RNF216: variants seen among roughly 807,000 people sequenced by gnomAD.
The protein encoded by RNF216 is E3 ubiquitin-protein ligase RNF216.
Under a neutral mutation model 110.8 loss-of-function variants are expected in RNF216, and 72 were observed. The ratio of observed to expected loss-of-function variants is 0.65; its 90% CI spans 0.54 to 0.79. The LOEUF (loss-of-function observed/expected upper bound fraction) is 0.79. Ranked by LOEUF, RNF216 falls within the 30% of genes least tolerant of loss-of-function variation. RNF216 has a pLI of 0.00. For missense variants in RNF216, 1,342 were observed against 1,141.2 expected (o/e 1.18, Z -2.54); for synonymous variants, 495 against 407.5 (o/e 1.21, Z -2.59).
At chr7:5,633,523 C>T (rs763055905) in intron 15 of RNF216, among the ~76,000 whole-genome samples, 2 of 151,998 alleles carry the variant, frequency 1.3e-5, no homozygotes, top group Non-Finnish European at 2.9e-5. Flanking sequence ...TGCAGTGAGC[C>T]GAGATCACAT....
chr7:5,662,735 T>C (rs1789228492), intron 13 of RNF216, among the ~76,000 whole-genome samples: 1 of 152,060 alleles, frequency 6.6e-6, no homozygotes, highest in South Asian at 2.1e-4. Context: ...GATAACTGTA[T>C]ACTCTGAGGA....
chr7:5,665,915 C>A (rs1034193639), intron 13 of RNF216, among the ~76,000 whole-genome samples: 2 of 152,058 alleles, frequency 1.3e-5, no homozygotes, highest in Non-Finnish European at 2.9e-5. Flanking sequence ...TCTGTAATCC[C>A]AGCACTTTGG....
chr7:5,768,836 T>C (rs1047468610), intron 1 of RNF216, among the ~76,000 whole-genome samples: 1 of 151,564 alleles, frequency 6.6e-6, no homozygotes, highest in Non-Finnish European at 1.5e-5. Flanking sequence ...TATTTTTTTG[T>C]ATTTTTAGTA....
chr7:5,666,062 A>G (rs949429947), intron 13 of RNF216, among the ~76,000 whole-genome samples: 2 of 150,640 alleles, frequency 1.3e-5, no homozygotes, highest in African/African-American at 4.9e-5. Context: ...GCTACTCGGG[A>G]GGCTGAGGCA....
chr7:5,680,076 A>C lies in RNF216; in HGVS notation c.2062-27566T>G, dbSNP rs971048181. Among the ~76,000 whole-genome samples, 5 of 152,206 alleles carry C rather than the reference A, an allele frequency of 3.3e-5. No individual in the cohort carries two copies. The highest frequency in any genetic ancestry group is 7.3e-5 in the Non-Finnish European group (5 of 68,040). ...ACTACCCTGTTTAATGACCATGGAT[A>C]GACTTCCTGCTGCAATCAGGAAGAA... On this transcript the variant is annotated intron_variant, in intron 13 of 16. Transcript: ENST00000389902. This position sits in a 1 kb window ranked among gnomAD's most constrained non-coding sequence, Gnocchi z 4.3.
At chr7:5,734,545 A>G (rs73673190) in intron 5 of RNF216, among the ~76,000 whole-genome samples, 2,629 of 151,700 alleles carry the variant, frequency 0.017, 75 homozygotes, top group African/African-American at 0.062. Context: ...TATACACAAT[A>G]AAGAATATGT....
At chr7:5,687,355 C>G (rs905827279) in intron 13 of RNF216, among the ~76,000 whole-genome samples, 3 of 132,068 alleles carry the variant, frequency 2.3e-5, no homozygotes, top group Non-Finnish European at 4.6e-5. Context: ...GAGACTGCGT[C>G]ACTGCTCCAT....
chr7:5,676,001 G>A (rs894689991), intron 13 of RNF216, among the ~76,000 whole-genome samples: 2 of 148,470 alleles, frequency 1.3e-5, no homozygotes, highest in Non-Finnish European at 3.0e-5. Flanking sequence ...GAGCTACTGC[G>A]CCTGGCCCTC....
At chr7:5,668,942 A>C (rs771416517) in intron 13 of RNF216, among the ~76,000 whole-genome samples, 1 of 152,188 alleles carries the variant, frequency 6.6e-6, no homozygotes, top group Non-Finnish European at 1.5e-5. Flanking sequence ...ACCTTCACTC[A>C]TCCCCACAGG....
intron 4 of RNF216, 83 bp from the exon 5 acceptor site, chr7:5,739,435 T>C: frequency 7.4e-7 from 1 of 1,351,130 alleles, no homozygotes; most frequent in Non-Finnish European, 1.0e-6. Flanking sequence ...GCAAAAAGTA[T>C]AATAAAATGA....
chr7:5,722,987 T>TA (rs1431486670), intron 8 of RNF216, among the ~76,000 whole-genome samples: 6 of 152,098 alleles, frequency 3.9e-5, no homozygotes, highest in African/African-American at 1.4e-4. Flanking sequence ...CAGTTTTTGG[T>TA]ATTATGAGAA....
intron 13 of RNF216, among the ~76,000 whole-genome samples, chr7:5,686,069 A>G (rs1191633579): frequency 1.3e-5 from 2 of 151,854 alleles, no homozygotes; most frequent in African/African-American, 4.8e-5. Context: ...CTAAAAATGC[A>G]AAAATTAGCC....
chr7:5,668,306 C>G (rs1394049653), intron 13 of RNF216, among the ~76,000 whole-genome samples: 1 of 150,950 alleles, frequency 6.6e-6, no homozygotes, highest in African/African-American at 2.4e-5. Flanking sequence ...TCACTGCAAG[C>G]TCCGCCTCCC....
intron 7 of RNF216, among the ~76,000 whole-genome samples, chr7:5,727,970 G>A (rs1332207518): frequency 6.6e-6 from 1 of 151,792 alleles, no homozygotes; most frequent in Non-Finnish European, 1.5e-5. Flanking sequence ...TCTACAGTCT[G>A]TATTTTCCAA....
At position 5,652,484 on chromosome 7, in the gene RNF216, G is replaced by C; in HGVS notation, c.2088C>G (p.Leu696=). 1 of 1,613,756 alleles carries C rather than the reference G, an allele frequency of 6.2e-7. No homozygotes were observed. Among genetic ancestry groups the C allele is most frequent in the South Asian group, 1.1e-5 (1 of 91,072 alleles). Residue 696 remains leucine, a synonymous_variant, in exon 14 of 17, where the codon CTC becomes CTG. Coordinates refer to ENST00000389902, the MANE Select transcript of RNF216 (RefSeq NM_207111.4). ...RKETCRKCQG[L]WKEHNGLTCE... ...AGGTGAGGCCATTATGTTCTTTCCA[G>C]AGTCCCTGACACTTCCTACAGGTTT...
intron 14 of RNF216, among the ~76,000 whole-genome samples, chr7:5,645,031 C>T (rs947068216): frequency 2.0e-5 from 3 of 151,892 alleles, no homozygotes; most frequent in African/African-American, 7.3e-5. Flanking sequence ...TGGCCAGGGT[C>T]ATCTCGAACT....
chr7:5,634,880 TG>T (rs1234498345), intron 15 of RNF216, among the ~76,000 whole-genome samples: 2 of 152,178 alleles, frequency 1.3e-5, no homozygotes, highest in African/African-American at 4.8e-5. Flanking sequence ...GGGACACTGC[TG>T]GGGTAGCAAA....
intron 13 of RNF216, among the ~76,000 whole-genome samples, chr7:5,684,641 G>A (rs1027554517): frequency 6.6e-6 from 1 of 152,190 alleles, no homozygotes; most frequent in Non-Finnish European, 1.5e-5. Flanking sequence ...GTTCCACTCA[G>A]GCTGTGGTGG....
chr7:5,748,288 C>T (rs930251003), intron 3 of RNF216, among the ~76,000 whole-genome samples: 19 of 152,204 alleles, frequency 1.2e-4, no homozygotes, highest in African/African-American at 4.6e-4. Flanking sequence ...AGCCAAATTC[C>T]ACCTCATTTT....
Sources: allele counts gnomAD v4.1 joint callset (sites outside exome capture counted in the v4.1 genomes callset), GRCh38; gene constraint gnomAD v4.1.1; non-coding constraint Gnocchi (gnomAD v3.1); transcripts MANE v1.5; gene names NCBI Gene and HGNC (gene_info 2026-07-23, HGNC 2026-07-21).